Variants in RYR2 observed in about 807,000 individuals in gnomAD.
RYR2 encodes the protein ryanodine receptor 2.
Under a neutral mutation model 601.1 loss-of-function variants are expected in RYR2, and 227 were observed. The observed-to-expected ratio is 0.38, with a 90% CI of 0.34 to 0.42. RYR2 has a LOEUF of 0.42. RYR2 is among the 10% of genes least tolerant of loss of function. The pLI, the probability that RYR2 is intolerant of heterozygous loss-of-function variation, is 1.00. For missense variants in RYR2, 4,646 were observed against 6,156.5 expected, an observed-to-expected ratio of 0.75 and a Z score of 8.21; for synonymous variants, 2,223 against 2,175.1, an observed-to-expected ratio of 1.02 and a Z score of -0.61.
At chr1:237,687,380 T>TTTTTTTA in intron 62 of RYR2, 75 bp from the exon 63 acceptor site, 1 of 671,404 alleles carries the variant, frequency 1.5e-6, no homozygotes, top group South Asian at 2.1e-5. Context: ...TTTTTTTTTT[T>TTTTTTTA]TTTTAATTTC....
intron 24 of RYR2, among the ~76,000 whole-genome samples, chr1:237,518,021 G>A (rs1666729140): frequency 6.6e-6 from 1 of 152,056 alleles, no homozygotes; most frequent in South Asian, 2.1e-4. Context: ...ATATCTGGGA[G>A]TCATCCTGGA....
intron 4 of RYR2, among the ~76,000 whole-genome samples, chr1:237,357,103 A>G: frequency 6.6e-6 from 1 of 151,770 alleles, no homozygotes; most frequent in South Asian, 2.1e-4. Context: ...TTGTTTTTTA[A>G]TTTACCATTT....
At position 237,506,741 on chromosome 1, in the gene RYR2, GA is replaced by G; in HGVS notation, c.2646del (p.Glu883LysfsTer13). The G allele has an allele frequency of 6.2e-7, 1 of 1,613,522 alleles. No homozygotes were observed. Among genetic ancestry groups the G allele is most frequent in the Non-Finnish European group, 8.5e-7 (1 of 1,179,688 alleles). ...TTGCCTCCTCATCTAGAAAGAATAAGAGAAAAACTGGCAGAGAATATCCATG... is the reference window on the plus strand; with the variant it reads ...TTGCCTCCTCATCTAGAAAGAATAAGGAAAAACTGGCAGAGAATATCCATG... ...IVLPPHLERI[R>X]EKLAENIHEL... On this transcript the variant is annotated frameshift_variant, in exon 23 of 105. Transcript: ENST00000366574. LOFTEE classifies it high-confidence loss of function.
At chr1:237,803,300 T>C (rs1660189143) in intron 98 of RYR2, among the ~76,000 whole-genome samples, 2 of 126,364 alleles carry the variant, frequency 1.6e-5, no homozygotes, top group South Asian at 2.7e-4. Flanking sequence ...TTCCTCAGTC[T>C]TTGCATTTTT....
intron 14 of RYR2, among the ~76,000 whole-genome samples, chr1:237,446,151 A>G (rs1183930693): frequency 1.3e-5 from 2 of 152,106 alleles, no homozygotes; most frequent in African/African-American, 4.8e-5. Flanking sequence ...AAGCCTATAT[A>G]GCTGCGGAGT....
chr1:237,413,585 G>A (rs950990232), intron 10 of RYR2, among the ~76,000 whole-genome samples: 1 of 152,080 alleles, frequency 6.6e-6, no homozygotes, highest in East Asian at 1.9e-4. Context: ...ATTACCTTAT[G>A]TAATTGTTCC....
chr1:237,192,739 A>G (rs1466460474), intron 1 of RYR2, among the ~76,000 whole-genome samples: 2 of 152,218 alleles, frequency 1.3e-5, no homozygotes, highest in African/African-American at 4.8e-5. Context: ...GAACAGAGAT[A>G]CGTAACTTAA....
chr1:237,821,000 T>C (rs1662432432), intron 101 of RYR2, among the ~76,000 whole-genome samples: 1 of 152,002 alleles, frequency 6.6e-6, no homozygotes, highest in African/African-American at 2.4e-5. Flanking sequence ...AGGGCATCTC[T>C]GGAAAAAAAA....
At chr1:237,527,516 A>G (rs1427069639) in intron 24 of RYR2, among the ~76,000 whole-genome samples, 1 of 152,170 alleles carries the variant, frequency 6.6e-6, no homozygotes, top group African/African-American at 2.4e-5. Flanking sequence ...GTACACGGTC[A>G]GATCTTAATA....
chr1:237,073,353 C>T (rs1352420023), intron 1 of RYR2, among the ~76,000 whole-genome samples: 3 of 152,054 alleles, frequency 2.0e-5, no homozygotes, highest in Non-Finnish European at 4.4e-5. Flanking sequence ...AGGCCAGAGG[C>T]GAACCTCATA....
intron 17 of RYR2, among the ~76,000 whole-genome samples, chr1:237,476,509 C>CAAAAAA (rs56116691): frequency 2.1e-4 from 15 of 70,192 alleles, no homozygotes; most frequent in Non-Finnish European, 3.2e-4. Flanking sequence ...GACTCTGTCT[C>CAAAAAA]AAAAAAAAAA....
intron 51 of RYR2, among the ~76,000 whole-genome samples, chr1:237,652,308 G>C (rs1043694315): frequency 6.6e-6 from 1 of 152,106 alleles, no homozygotes; most frequent in Non-Finnish European, 1.5e-5. Flanking sequence ...TTCTGTTCAG[G>C]ATCAAGTCTC....
intron 98 of RYR2, among the ~76,000 whole-genome samples, chr1:237,802,639 C>T (rs1037333722): frequency 2.0e-5 from 3 of 152,204 alleles, no homozygotes. Flanking sequence ...TATTAATACA[C>T]TATCTTACAA....
In RYR2 at chr1:237,712,561, G is replaced by A. The variant is rs942249010; in HGVS notation, c.10323+724G>A. On this transcript the variant is annotated intron_variant, in intron 71 of 104. Coordinates refer to ENST00000366574, the MANE Select transcript of RYR2 (RefSeq NM_001035.3). ...CACACACACTCACACACACACACAC[G>A]CACCCCCCACTCACCAAAAGTCAGT... Among the ~76,000 whole-genome samples, 7 of 151,672 alleles carry A rather than the reference G, an allele frequency of 4.6e-5. No homozygotes were observed. In the South Asian group the frequency reaches 6.3e-4, roughly 14 times the overall value.
At chr1:237,494,109 T>C (rs1043270740) in intron 19 of RYR2, among the ~76,000 whole-genome samples, 2 of 152,084 alleles carry the variant, frequency 1.3e-5, no homozygotes, top group African/African-American at 4.8e-5. Flanking sequence ...ACAGGGCGAA[T>C]AGGATAGCTG....
chr1:237,203,776 A>G (rs1681464436), intron 1 of RYR2, among the ~76,000 whole-genome samples: 2 of 152,200 alleles, frequency 1.3e-5, no homozygotes, highest in Non-Finnish European at 2.9e-5. Context: ...TGAGAAATGT[A>G]TACACACATG....
At chr1:237,741,821 G>A (rs1304918253) in intron 79 of RYR2, among the ~76,000 whole-genome samples, 5 of 151,986 alleles carry the variant, frequency 3.3e-5, no homozygotes, top group Non-Finnish European at 7.4e-5. Context: ...AGGCTGGTCT[G>A]GAACTCCTGA....
At chr1:237,190,200 T>C (rs927859326) in intron 1 of RYR2, among the ~76,000 whole-genome samples, 1 of 152,204 alleles carries the variant, frequency 6.6e-6, no homozygotes, top group African/African-American at 2.4e-5. Flanking sequence ...TACTGTTTTC[T>C]ATAATGGCTG....
intron 1 of RYR2, among the ~76,000 whole-genome samples, chr1:237,117,666 CTCTTCCTTCTCTTCTCTTCT>C (rs1473670734): frequency 3.5e-5 from 5 of 143,340 alleles, no homozygotes; most frequent in African/African-American, 1.0e-4. Flanking sequence ...CTCTTCTCTT[CTCTTCCTTCTCTTCTCTTCT>C]CTTCTCTTCT....
Sources: allele counts gnomAD v4.1 joint callset (sites outside exome capture counted in the v4.1 genomes callset), GRCh38; gene constraint gnomAD v4.1.1; transcripts MANE v1.5; gene names NCBI Gene and HGNC (gene_info 2026-07-23, HGNC 2026-07-21).